The following WDR26 variants were observed in gnomAD, a reference collection of about 807,000 sequenced individuals.
The protein encoded by WDR26 is WD repeat-containing protein 26.
A neutral mutation model predicts 84.1 loss-of-function variants in WDR26; 5 were observed. The ratio of observed to expected loss-of-function variants is 0.06; its 90% CI spans 0.03 to 0.13. The LOEUF (loss-of-function observed/expected upper bound fraction) is 0.13, where lower values mean the gene tolerates loss of function less well. Ranked by LOEUF, WDR26 falls within the 10% of genes least tolerant of loss-of-function variation. The pLI is 1.00. For synonymous variants in WDR26, 415 were observed against 389.6 expected, an observed-to-expected ratio of 1.07 and a Z score of -0.77; for missense variants, 642 against 974.9, an observed-to-expected ratio of 0.66 and a Z score of 4.55.
At position 224,416,952 on chromosome 1, in the gene WDR26, G is replaced by A. The variant is rs956690971; in HGVS notation, c.1319+1308C>T. Among the ~76,000 whole-genome samples the A allele has an allele frequency of 2.0e-5, 3 of 152,210 alleles. No homozygotes were observed. The East Asian group carries it at 5.8e-4, about 29-fold the overall frequency. ...ATGAACATTATTAAAGAGTTTAAAA[G>A]GGATAGGGGAAAAAATTTCTAATCA... On this transcript the variant is annotated intron_variant, in intron 6 of 13. Transcript: ENST00000414423.
In WDR26 at chr1:224,404,520, G is replaced by A. The variant is rs754601441; in HGVS notation, c.1509C>T (p.Gly503=). 5.9e-5 allele frequency: 95 copies of A among 1,613,814 alleles called. No individual in the cohort carries two copies. The highest frequency in any genetic ancestry group is 7.1e-5 in the Non-Finnish European group (84 of 1,179,926). Residue 503 remains glycine, a synonymous_variant, in exon 8 of 14, where the codon GGC becomes GGT. Transcript: ENST00000414423. ...CTGGACTCCATGCAATATAAGAAAC[G>A]CCATAAGCATGTCCTTCTAATGTTT...
intron 8 of WDR26, 27 bp downstream of exon 8, chr1:224,404,403 G>T (rs1159701803): frequency 1.2e-6 from 2 of 1,610,126 alleles, no homozygotes; most frequent in Admixed American, 1.7e-5. Flanking sequence ...GTACTTAAAA[G>T]CTCAACCAAA....
At chr1:224,392,367 AG>A (rs1276366944) in intron 13 of WDR26, among the ~76,000 whole-genome samples, 16 of 152,172 alleles carry the variant, frequency 1.1e-4, no homozygotes, top group Middle Eastern at 3.4e-3. Flanking sequence ...AAAAAAAAAA[AG>A]AAAAGAAAAC....
chr1:224,404,405 TCAAC>T (rs1673498046), intron 8 of WDR26, 21 bp downstream of exon 8: 1 of 1,610,248 alleles, frequency 6.2e-7, no homozygotes, highest in Non-Finnish European at 8.5e-7. Context: ...ACTTAAAAGC[TCAAC>T]CAAAGATGGA....
At position 224,386,317 on chromosome 1, in the gene WDR26, A is replaced by G. The variant is rs1370345959; in HGVS notation, c.*3518T>C. 2 of 152,652 alleles carry G rather than the reference A, an allele frequency of 1.3e-5. No individual in the cohort carries two copies. Among genetic ancestry groups the G allele is most frequent in the Non-Finnish European group, 2.9e-5 (2 of 68,030 alleles). The allele number at this position is 152,652 out of a possible 1,614,324, so 9.5% of individuals were successfully genotyped here. A position where few individuals can be genotyped will look rare whatever the true frequency, so the allele number is the denominator to read the frequency against. ...TAAAACCAAATCAAAATATTTATAC[A>G]TTTTAGAGATGGGACAAAAAGGATA... On this transcript the variant is annotated 3_prime_UTR_variant, in exon 14 of 14. Coordinates refer to ENST00000414423, the MANE Select transcript of WDR26 (RefSeq NM_001379403.1).
chr1:224,393,754 C>A, intron 13 of WDR26, 74 bp downstream of exon 13: 1 of 1,282,648 alleles, frequency 7.8e-7, no homozygotes. Context: ...TTGCTTAAAA[C>A]TGCTTTAAGT....
chr1:224,429,726 GAC>G (rs774789414), intron 3 of WDR26: 16 of 152,234 alleles, frequency 1.1e-4, no homozygotes, highest in Admixed American at 9.2e-4. Context: ...ATGTTCTACA[GAC>G]TGAACAGGCT....
chr1:224,391,868 G>T (rs886138023), intron 13 of WDR26, among the ~76,000 whole-genome samples: 3 of 152,120 alleles, frequency 2.0e-5, no homozygotes, highest in African/African-American at 7.2e-5. Context: ...TACAAGTACT[G>T]TTTTTTCTAT....
chr1:224,386,325 G>T lies in WDR26; in HGVS notation c.*3510C>A, dbSNP rs577875509. ...AATCAAAATATTTATACATTTTAGA[G>T]ATGGGACAAAAAGGATATTAAGAAA... On this transcript the variant is annotated 3_prime_UTR_variant, in exon 14 of 14. Coordinates refer to ENST00000414423, the MANE Select transcript of WDR26 (RefSeq NM_001379403.1). 17 of 152,704 alleles carry T rather than the reference G, an allele frequency of 1.1e-4. No homozygotes were observed. In the East Asian group the frequency reaches 3.3e-3, roughly 29 times the overall value. The allele number at this position is 152,704 out of a possible 1,614,324, so 9.5% of individuals were successfully genotyped here. A position where few individuals can be genotyped will look rare whatever the true frequency, so the allele number is the denominator to read the frequency against.
At chr1:224,421,451 G>C (rs1235980406) in intron 4 of WDR26, among the ~76,000 whole-genome samples, 1 of 152,128 alleles carries the variant, frequency 6.6e-6, no homozygotes. Context: ...TTAACTGGGC[G>C]TGGTGGTGCA....
chr1:224,417,470 C>T (rs1673938137), intron 6 of WDR26, among the ~76,000 whole-genome samples: 1 of 152,164 alleles, frequency 6.6e-6, no homozygotes, highest in Admixed American at 6.5e-5. Context: ...TTTGGGAGGC[C>T]AAGGCAGAAG....
intron 7 of WDR26, among the ~76,000 whole-genome samples, chr1:224,405,757 G>A (rs1673531753): frequency 6.6e-6 from 1 of 152,242 alleles, no homozygotes; most frequent in Admixed American, 6.5e-5. Flanking sequence ...GCTGAACTGT[G>A]AAGTGCAAAT....
chr1:224,410,326 A>G (rs540162297), intron 7 of WDR26, among the ~76,000 whole-genome samples: 1 of 151,724 alleles, frequency 6.6e-6, no homozygotes, highest in Admixed American at 6.6e-5. Flanking sequence ...AAAGAAAAGA[A>G]GTTTATTTTA....
chr1:224,424,471 A>C, intron 4 of WDR26, 47 bp downstream of exon 4: 1 of 1,585,202 alleles, frequency 6.3e-7, no homozygotes, highest in Non-Finnish European at 8.6e-7. Flanking sequence ...AAAGAAATAT[A>C]ACTTTGGCCC....
At chr1:224,422,727 G>A (rs112503793) in intron 4 of WDR26, among the ~76,000 whole-genome samples, 41,875 of 142,830 alleles carry the variant, frequency 0.29, 7,154 homozygotes, top group African/African-American at 0.48. Context: ...AAAAAAAAAA[G>A]GAAAGAAATT....
intron 13 of WDR26, among the ~76,000 whole-genome samples, chr1:224,391,521 A>C (rs1401981559): frequency 1.3e-5 from 2 of 151,654 alleles, no homozygotes; most frequent in East Asian, 3.9e-4. Flanking sequence ...ACTGTGCTAC[A>C]TTTTTCCTTT....
chr1:224,394,345 G>A (rs993375647), intron 12 of WDR26, among the ~76,000 whole-genome samples: 1 of 152,156 alleles, frequency 6.6e-6, no homozygotes, highest in Non-Finnish European at 1.5e-5. Flanking sequence ...ATGGAAATGG[G>A]AAGTGACAGA....
At chr1:224,424,378 T>G in intron 4 of WDR26, 140 bp downstream of exon 4, 1 of 1,126,160 alleles carries the variant, frequency 8.9e-7, no homozygotes, top group South Asian at 1.6e-5. Context: ...ACCAAAATAG[T>G]TGATCCACAC....
At chr1:224,431,951 C>G (rs1674404309) in intron 1 of WDR26, among the ~76,000 whole-genome samples, 170 bp from the exon 2 acceptor site, 1 of 152,196 alleles carries the variant, frequency 6.6e-6, no homozygotes, top group Admixed American at 6.5e-5. Flanking sequence ...AAACTGACAC[C>G]TACATTTTTT....
Sources: gnomAD v4.1 joint callset for allele counts (sites outside exome capture counted in the v4.1 genomes callset) on GRCh38, gnomAD v4.1.1 for gene constraint, MANE v1.5 for transcripts, NCBI Gene and HGNC (gene_info 2026-07-23, HGNC 2026-07-21) for gene names.